NPAS3: variants seen among roughly 807,000 people sequenced by gnomAD.
NPAS3 encodes the protein neuronal PAS domain-containing protein 3.
In NPAS3, 14 loss-of-function variants were observed where a neutral mutation model predicts 73.1. That is an observed-to-expected ratio of 0.19 (90% CI 0.13 to 0.30). The LOEUF is 0.30. Among genes scored for constraint, NPAS3 ranks in the 10% least tolerant of loss-of-function variants. The probability of loss-of-function intolerance (pLI) is 1.00; values close to 1 mark genes in which losing one functional copy is unlikely to be tolerated. For synonymous variants in NPAS3, 620 were observed against 541.5 expected (o/e 1.14, Z -2.01); for missense variants, 1,096 against 1,250.0 (o/e 0.88, Z 1.86).
At chr14:33,795,977 T>C (rs1332334770) in intron 10 of NPAS3, among the ~76,000 whole-genome samples, 1 of 152,114 alleles carries the variant, frequency 6.6e-6, no homozygotes, top group South Asian at 2.1e-4. Flanking sequence ...GGACTGTAAA[T>C]TGTAGGGCAA....
At chr14:33,035,363 C>T (rs1016209914) in intron 1 of NPAS3, among the ~76,000 whole-genome samples, 4 of 152,004 alleles carry the variant, frequency 2.6e-5, no homozygotes, top group Non-Finnish European at 2.9e-5. Flanking sequence ...AGCCTCACTC[C>T]CTGAGATGGA....
intron 4 of NPAS3, among the ~76,000 whole-genome samples, chr14:33,488,960 G>A (rs893125895): frequency 3.3e-5 from 5 of 152,196 alleles, no homozygotes; most frequent in Non-Finnish European, 7.3e-5. Context: ...ACATGACAAA[G>A]CAGGCAAGCT....
At chr14:33,635,093 A>AT (rs2058478859) in intron 5 of NPAS3, among the ~76,000 whole-genome samples, 1 of 152,180 alleles carries the variant, frequency 6.6e-6, no homozygotes, top group Non-Finnish European at 1.5e-5. Context: ...CCCAGGTAAG[A>AT]TTTTTATGAA....
At chr14:32,964,764 G>T (rs1426069149) in intron 1 of NPAS3, among the ~76,000 whole-genome samples, 4 of 151,822 alleles carry the variant, frequency 2.6e-5, no homozygotes, top group Non-Finnish European at 5.9e-5. Context: ...ATTGCCTGAA[G>T]CTGGGTTCAA....
intron 7 of NPAS3, among the ~76,000 whole-genome samples, chr14:33,738,582 C>A (rs1279089150): frequency 6.6e-6 from 1 of 152,184 alleles, no homozygotes. Context: ...TACCAACCTG[C>A]ATCTGCTAAT....
intron 10 of NPAS3, among the ~76,000 whole-genome samples, chr14:33,797,035 T>A (rs1193456706): frequency 6.6e-6 from 1 of 152,076 alleles, no homozygotes; most frequent in Admixed American, 6.5e-5. Flanking sequence ...AGAAGCTACA[T>A]CAAGGGCCCA....
intron 2 of NPAS3, among the ~76,000 whole-genome samples, chr14:33,145,101 C>G (rs1012607735): frequency 3.3e-5 from 5 of 152,164 alleles, no homozygotes; most frequent in Non-Finnish European, 7.3e-5. Context: ...TTGATGCCAA[C>G]CAGAATTTTG....
At chr14:33,554,307 C>T (rs1237992624) in intron 4 of NPAS3, among the ~76,000 whole-genome samples, 1 of 152,172 alleles carries the variant, frequency 6.6e-6, no homozygotes, top group East Asian at 1.9e-4. Context: ...TATGTCACAA[C>T]AGTGAAGAAC....
rs537740606 is a variant in NPAS3 at position 33,179,778 on chromosome 14, G to A, written c.141-35404G>A. 2.6e-5 allele frequency among the ~76,000 whole-genome samples: 4 copies of A among 152,262 alleles called. No individual in the cohort carries two copies. The South Asian group carries it at 8.3e-4, about 32-fold the overall frequency. On this transcript the variant is annotated intron_variant, in intron 2 of 11. Transcript: ENST00000356141. The stretch of plus-strand genomic sequence containing the variant: ...CACAGTAAAGAGTGGAGGAATGGAT[G>A]GGAAAAATATTAAAGGAAATCCAAG...
intron 5 of NPAS3, among the ~76,000 whole-genome samples, chr14:33,586,370 AT>A (rs2139913878): frequency 6.6e-6 from 1 of 152,226 alleles, no homozygotes; most frequent in East Asian, 1.9e-4. Flanking sequence ...TGCAAAATAA[AT>A]TTTATAAACA....
chr14:33,153,277 C>T (rs66490219), intron 2 of NPAS3, among the ~76,000 whole-genome samples: 2 of 151,342 alleles, frequency 1.3e-5, no homozygotes, highest in Non-Finnish European at 2.9e-5. Flanking sequence ...GTCTTGTAAT[C>T]TTTGATTGTC....
intron 6 of NPAS3, among the ~76,000 whole-genome samples, chr14:33,689,730 T>A (rs2060183285): frequency 6.6e-6 from 1 of 152,216 alleles, no homozygotes; most frequent in South Asian, 2.1e-4. Context: ...TAATATACAA[T>A]TTCTGTTTTG....
chr14:33,547,065 A>G (rs2054880119), intron 4 of NPAS3, among the ~76,000 whole-genome samples: 1 of 152,206 alleles, frequency 6.6e-6, no homozygotes, highest in Non-Finnish European at 1.5e-5. Context: ...TGAGAGTAGA[A>G]GGCACATACA....
At chr14:32,956,340 T>G (rs1397294899) in intron 1 of NPAS3, among the ~76,000 whole-genome samples, 1 of 152,180 alleles carries the variant, frequency 6.6e-6, no homozygotes, top group Non-Finnish European at 1.5e-5. Context: ...ACAATTCAGT[T>G]ATCACATGGC....
At chr14:32,992,480 A>G (rs1430413963) in intron 1 of NPAS3, among the ~76,000 whole-genome samples, 1 of 152,148 alleles carries the variant, frequency 6.6e-6, no homozygotes, top group East Asian at 1.9e-4. Context: ...GTAGTGGGGC[A>G]TGAGCAACTA....
chr14:32,941,275 T>TCCCCTC (rs1166793165), intron 1 of NPAS3, among the ~76,000 whole-genome samples: 1 of 1,874 alleles, frequency 5.3e-4, no homozygotes, highest in African/African-American at 3.2e-3. Context: ...TCCCCTCCCC[T>TCCCCTC]CCTCCCTCCC....
At chr14:33,674,198 T>A (rs779819398) in intron 5 of NPAS3, among the ~76,000 whole-genome samples, 8 of 152,254 alleles carry the variant, frequency 5.3e-5, no homozygotes, top group Middle Eastern at 3.4e-3. Flanking sequence ...TAAGACTGGC[T>A]TACATGAACA....
chr14:32,949,040 G>A (rs1273151374), intron 1 of NPAS3, among the ~76,000 whole-genome samples: 12 of 152,154 alleles, frequency 7.9e-5, no homozygotes, highest in South Asian at 2.1e-4. Flanking sequence ...ATTTTATACA[G>A]GGTAAGGCAC....
chr14:33,218,057 A>G (rs965995985), intron 3 of NPAS3, among the ~76,000 whole-genome samples: 1 of 152,184 alleles, frequency 6.6e-6, no homozygotes, highest in East Asian at 1.9e-4. Flanking sequence ...GATGTATAAA[A>G]AGAAGATAAA....
Sources: gnomAD v4.1 joint callset for allele counts (sites outside exome capture counted in the v4.1 genomes callset) on GRCh38, gnomAD v4.1.1 for gene constraint, MANE v1.5 for transcripts, NCBI Gene and HGNC (gene_info 2026-07-23, HGNC 2026-07-21) for gene names.